The following LRRK2 variants were observed in gnomAD, a reference collection of about 807,000 sequenced individuals.
LRRK2 encodes leucine rich repeat kinase 2.
In LRRK2, 203 loss-of-function variants were observed where a neutral mutation model predicts 302.6. The ratio of observed to expected loss-of-function variants is 0.67; its 90% CI spans 0.60 to 0.75. The LOEUF (loss-of-function observed/expected upper bound fraction) is 0.75. Among genes scored for constraint, LRRK2 ranks in the 30% least tolerant of loss-of-function variants. LRRK2 has a pLI of 0.00. For missense variants in LRRK2, 2,830 were observed against 2,951.0 expected (o/e 0.96, Z 0.95); for synonymous variants, 1,066 against 1,031.9 (o/e 1.03, Z -0.63).
At position 40,303,972 on chromosome 12, in the gene LRRK2, C is replaced by T; in HGVS notation, c.3615C>T (p.Ser1205=). The change falls in exon 27 of 51, where the codon AGC becomes AGT. Residue 1205 remains serine, a synonymous_variant. Coordinates refer to ENST00000298910, the MANE Select transcript of LRRK2 (RefSeq NM_198578.4). ...GCTTGCGGTCTTTAGATATGAGCAG[C>T]AATGATATTCAGTACCTACCAGGTC... The part of the protein sequence containing the change: ...LPHLRSLDMS[S]NDIQYLPGPA... 1.9e-6 allele frequency: 3 copies of T among 1,613,672 alleles called. No individual in the cohort carries two copies. The highest frequency in any genetic ancestry group is 2.5e-6 in the Non-Finnish European group (3 of 1,179,728).
chr12:40,266,140 A>T (rs1433703845), intron 14 of LRRK2, among the ~76,000 whole-genome samples: 1 of 152,102 alleles, frequency 6.6e-6, no homozygotes. Context: ...ACAAAAGCCA[A>T]AATTGACAAA....
chr12:40,225,481 G>A, intron 1 of LRRK2, 74 bp from the exon 2 acceptor site: 3 of 1,403,284 alleles, frequency 2.1e-6, no homozygotes, highest in South Asian at 1.2e-5. Context: ...TTTTCTCCCC[G>A]TTTCAGACTA....
chr12:40,356,960 CCTAGTTA>C lies in LRRK2; in HGVS notation c.6843+774_6843+780del, dbSNP rs1441734941. Reference sequence around the variant, plus strand: ...TCTGTGCTGAGAACATTTCAAGTCTCCTAGTTATTTTGAAATGTTTTTAACTGTAGTC... The same window carrying C: ...TCTGTGCTGAGAACATTTCAAGTCTCTTTTGAAATGTTTTTAACTGTAGTC... On this transcript the variant is annotated intron_variant, in intron 46 of 50. Coordinates refer to ENST00000298910, the MANE Select transcript of LRRK2 (RefSeq NM_198578.4). Among the ~76,000 whole-genome samples the C allele has an allele frequency of 1.3e-4, 20 of 152,248 alleles. No individual in the cohort carries two copies. The Middle Eastern group carries it at 0.01, about 78-fold the overall frequency.
At chr12:40,317,015 A>G (rs191081191) in intron 33 of LRRK2, among the ~76,000 whole-genome samples, 131 of 152,172 alleles carry the variant, frequency 8.6e-4, no homozygotes, top group Admixed American at 2.6e-3. Flanking sequence ...TAGGATGGGT[A>G]TATCTTATAC....
intron 41 of LRRK2, among the ~76,000 whole-genome samples, chr12:40,344,961 A>G (rs866669653): frequency 6.6e-6 from 1 of 152,268 alleles, no homozygotes; most frequent in Middle Eastern, 3.4e-3. Context: ...AGGGGTTATC[A>G]TACTCAAATT....
intron 28 of LRRK2, among the ~76,000 whole-genome samples, chr12:40,307,623 A>G (rs1460123068): frequency 6.6e-6 from 1 of 152,014 alleles, no homozygotes. Flanking sequence ...CATATATACC[A>G]TATATGAATA....
chr12:40,280,862 C>T (rs1943662513), intron 18 of LRRK2, among the ~76,000 whole-genome samples: 1 of 151,356 alleles, frequency 6.6e-6, no homozygotes, highest in African/African-American at 2.4e-5. Flanking sequence ...GTCAGGAGAT[C>T]GAGACCATCC....
At chr12:40,340,898 A>T (rs1395727900) in intron 41 of LRRK2, among the ~76,000 whole-genome samples, 5 of 152,206 alleles carry the variant, frequency 3.3e-5, no homozygotes, top group Admixed American at 2.6e-4. Context: ...TTTGGTGTCA[A>T]AACCTAAGCA....
At chr12:40,366,162 G>C (rs539125657) in intron 49 of LRRK2, 1 of 152,024 alleles carries the variant, frequency 6.6e-6, no homozygotes, top group East Asian at 1.9e-4. Flanking sequence ...ATTCCTACCA[G>C]ATCTTGCTTG....
chr12:40,305,557 T>A (rs1247321249), intron 27 of LRRK2, among the ~76,000 whole-genome samples: 11 of 152,140 alleles, frequency 7.2e-5, no homozygotes, highest in Admixed American at 7.2e-4. Context: ...ATATTACAGA[T>A]GAGTGACATA....
intron 7 of LRRK2, among the ~76,000 whole-genome samples, chr12:40,245,895 A>C (rs975676448): frequency 6.6e-6 from 1 of 152,054 alleles, no homozygotes; most frequent in Non-Finnish European, 1.5e-5. Flanking sequence ...TAATTTGTAA[A>C]TAATGACAGT....
chr12:40,361,204 T>TG (rs1468159015), intron 47 of LRRK2, among the ~76,000 whole-genome samples: 11 of 148,984 alleles, frequency 7.4e-5, no homozygotes, highest in African/African-American at 2.7e-4. Context: ...GTGCAGTGTA[T>TG]TATAAGTTCC....
At chr12:40,353,803 G>A (rs1229127300) in intron 44 of LRRK2, among the ~76,000 whole-genome samples, 2 of 152,248 alleles carry the variant, frequency 1.3e-5, no homozygotes, top group East Asian at 1.9e-4. Flanking sequence ...CCAACACAGC[G>A]AAACCCCGTC....
At chr12:40,359,563 T>C in intron 47 of LRRK2, 119 bp downstream of exon 47, 3 of 904,082 alleles carry the variant, frequency 3.3e-6, no homozygotes, top group Non-Finnish European at 4.9e-6. Flanking sequence ...ATAATTTATT[T>C]TCTATCATAA....
chr12:40,363,602 A>C, intron 48 of LRRK2, 48 bp downstream of exon 48: 1 of 1,587,754 alleles, frequency 6.3e-7, no homozygotes, highest in Non-Finnish European at 8.6e-7. Context: ...TTATCTTTGC[A>C]CTTCATGTGT....
chr12:40,241,800 G>A (rs1186259206), intron 6 of LRRK2, among the ~76,000 whole-genome samples: 2 of 152,142 alleles, frequency 1.3e-5, no homozygotes, highest in Non-Finnish European at 2.9e-5. Context: ...AAAACCCAAT[G>A]CCCTTGTGAA....
intron 23 of LRRK2, among the ~76,000 whole-genome samples, chr12:40,297,775 A>G (rs1944437226): frequency 6.6e-6 from 1 of 152,144 alleles, no homozygotes; most frequent in South Asian, 2.1e-4. Flanking sequence ...AAAGTTTCGT[A>G]AAAAACAGGA....
chr12:40,341,677 A>G (rs1400330352), intron 41 of LRRK2, among the ~76,000 whole-genome samples: 1 of 152,154 alleles, frequency 6.6e-6, no homozygotes, highest in African/African-American at 2.4e-5. Context: ...TCATTTGCCA[A>G]ATGAGAAAAC....
intron 12 of LRRK2, 28 bp from the exon 13 acceptor site, chr12:40,259,452 A>G (rs1248313006): frequency 6.2e-7 from 1 of 1,612,578 alleles, no homozygotes; most frequent in Admixed American, 1.7e-5. Flanking sequence ...TCAGTCTTTC[A>G]ATAAGCATGC....
Sources: allele counts gnomAD v4.1 joint callset (sites outside exome capture counted in the v4.1 genomes callset), GRCh38; gene constraint gnomAD v4.1.1; transcripts MANE v1.5; gene names NCBI Gene and HGNC (gene_info 2026-07-23, HGNC 2026-07-21).